The following SOX5 variants were observed in gnomAD, a reference collection of about 807,000 sequenced individuals.
SOX5 encodes the protein SRY-box transcription factor 5.
A neutral mutation model predicts 92.0 loss-of-function variants in SOX5; 9 were observed. The ratio of observed to expected loss-of-function variants is 0.10; its 90% CI spans 0.06 to 0.17. The LOEUF (loss-of-function observed/expected upper bound fraction) is 0.17, where lower values mean the gene tolerates loss of function less well. Among genes scored for constraint, SOX5 ranks in the 10% least tolerant of loss-of-function variants. The pLI is 1.00. For missense variants in SOX5, 642 were observed against 944.5 expected (o/e 0.68, Z 4.20); for synonymous variants, 344 against 336.3 (o/e 1.02, Z -0.25).
At chr12:24,425,570 T>C (rs1966636120) in intron 1 of SOX5, among the ~76,000 whole-genome samples, 1 of 152,218 alleles carries the variant, frequency 6.6e-6, no homozygotes. Flanking sequence ...CTGCACTTTG[T>C]AATTTTTTTA....
intron 8 of SOX5, among the ~76,000 whole-genome samples, chr12:23,631,891 A>G (rs951960791): frequency 6.6e-6 from 1 of 152,188 alleles, no homozygotes. Context: ...CCAAATGTCA[A>G]CACCTCCCAG....
At chr12:23,955,405 C>T (rs991996691), upstream of SOX5, among the ~76,000 whole-genome samples, 2 of 152,140 alleles carry the variant, frequency 1.3e-5, no homozygotes, top group African/African-American at 4.8e-5. Flanking sequence ...TAATTTGGCT[C>T]TATTTTTAAG....
chr12:23,538,627 T>C (rs1476101867), intron 13 of SOX5, among the ~76,000 whole-genome samples: 1 of 152,172 alleles, frequency 6.6e-6, no homozygotes, highest in Non-Finnish European at 1.5e-5. Flanking sequence ...ATTGAGTTTC[T>C]TCCAAGCATT....
chr12:23,662,512 T>C (rs562877247), intron 7 of SOX5, among the ~76,000 whole-genome samples: 72 of 152,350 alleles, frequency 4.7e-4, no homozygotes, highest in African/African-American at 1.6e-3. Flanking sequence ...TTAAATGATA[T>C]ACATTCTAGT....
intron 4 of SOX5, among the ~76,000 whole-genome samples, chr12:24,200,290 A>G (rs1957391010): frequency 1.3e-5 from 2 of 152,194 alleles, no homozygotes; most frequent in Non-Finnish European, 2.9e-5. Flanking sequence ...GCAGTGACTT[A>G]GATAAGGTTA....
intron 3 of SOX5, among the ~76,000 whole-genome samples, chr12:24,271,466 T>C (rs971127970): frequency 4.1e-4 from 62 of 152,174 alleles, no homozygotes; most frequent in African/African-American, 1.4e-3. Flanking sequence ...TTACTCTAGG[T>C]CCTGTTTTTC....
intron 6 of SOX5, among the ~76,000 whole-genome samples, chr12:23,728,100 G>A (rs1285905868): frequency 8.5e-5 from 13 of 152,084 alleles, no homozygotes; most frequent in Non-Finnish European, 1.8e-4. Context: ...TTATCCTTAC[G>A]AACCCTTCAG....
chr12:23,882,213 C>T (rs993706194), intron 2 of SOX5, among the ~76,000 whole-genome samples: 1 of 152,002 alleles, frequency 6.6e-6, no homozygotes, highest in Non-Finnish European at 1.5e-5. Context: ...TCATTTTAAG[C>T]CCCTCTTGCT....
intron 3 of SOX5, among the ~76,000 whole-genome samples, chr12:23,768,968 T>C (rs1010446067): frequency 6.6e-6 from 1 of 152,194 alleles, no homozygotes; most frequent in African/African-American, 2.4e-5. Context: ...ATTAAATTCT[T>C]CATCAGAAAA....
chr12:23,811,318 A>G (rs1189684910), intron 3 of SOX5, among the ~76,000 whole-genome samples: 1 of 152,112 alleles, frequency 6.6e-6, no homozygotes, highest in Non-Finnish European at 1.5e-5. Flanking sequence ...CCCAGATTGC[A>G]CTCATATTGT....
At chr12:24,364,730 G>GA (rs1419073939) in intron 2 of SOX5, among the ~76,000 whole-genome samples, 1 of 151,696 alleles carries the variant, frequency 6.6e-6, no homozygotes. Context: ...TTCTGAGAAT[G>GA]AACTACCTGC....
chr12:23,580,002 A>G (rs898625469), intron 9 of SOX5, among the ~76,000 whole-genome samples: 1 of 152,246 alleles, frequency 6.6e-6, no homozygotes, highest in Non-Finnish European at 1.5e-5. Flanking sequence ...GAATTTAGTT[A>G]TCTGCCTAGT....
At chr12:24,173,255 C>T (rs1385904911) in intron 4 of SOX5, among the ~76,000 whole-genome samples, 1 of 152,230 alleles carries the variant, frequency 6.6e-6, no homozygotes, top group Non-Finnish European at 1.5e-5. Flanking sequence ...TATCTGCAAA[C>T]AAGATGGTTT....
intron 7 of SOX5, among the ~76,000 whole-genome samples, chr12:23,646,718 C>T (rs566286812): frequency 6.6e-6 from 1 of 152,148 alleles, no homozygotes; most frequent in Non-Finnish European, 1.5e-5. Context: ...TTTCAAGAAA[C>T]CATTTTCTTT....
At chr12:23,630,605 C>A (rs535466162) in intron 8 of SOX5, among the ~76,000 whole-genome samples, 1 of 152,068 alleles carries the variant, frequency 6.6e-6, no homozygotes, top group East Asian at 1.9e-4. Context: ...AATATTAACT[C>A]AAATCCAGCA....
At chr12:24,112,902 G>A (rs537930196) in intron 4 of SOX5, among the ~76,000 whole-genome samples, 7 of 151,716 alleles carry the variant, frequency 4.6e-5, no homozygotes, top group Non-Finnish European at 7.4e-5. Flanking sequence ...GGTCTTTAGG[G>A]TTCCATTTTT....
chr12:23,883,298 A>G (rs1247157553), intron 2 of SOX5, among the ~76,000 whole-genome samples: 1 of 152,186 alleles, frequency 6.6e-6, no homozygotes, highest in African/African-American at 2.4e-5. Context: ...ATCCGAGGAT[A>G]CTGACAGACC....
At chr12:24,525,229 T>C (rs1019558535) in intron 1 of SOX5, among the ~76,000 whole-genome samples, 1 of 152,178 alleles carries the variant, frequency 6.6e-6, no homozygotes, top group African/African-American at 2.4e-5. Flanking sequence ...AATGATCCAA[T>C]ATGCAAAAAC....
chr12:24,322,721 C>T (rs1428054538), intron 2 of SOX5, among the ~76,000 whole-genome samples: 1 of 152,086 alleles, frequency 6.6e-6, no homozygotes, highest in Non-Finnish European at 1.5e-5. Flanking sequence ...AACAAGAAAC[C>T]TCTGTTAATG....
Sources: allele counts gnomAD v4.1 joint callset (sites outside exome capture counted in the v4.1 genomes callset), GRCh38; gene constraint gnomAD v4.1.1; transcripts MANE v1.5; gene names NCBI Gene and HGNC (gene_info 2026-07-23, HGNC 2026-07-21).